Variants in FRS2 observed in about 807,000 individuals in gnomAD.
FRS2 encodes FGFR signalling adaptor.
In FRS2, 8 loss-of-function variants were observed where a neutral mutation model predicts 43.9. That is an observed-to-expected ratio of 0.18 (90% CI 0.11 to 0.33). The LOEUF is 0.33. Among genes scored for constraint, FRS2 ranks in the 10% least tolerant of loss-of-function variants. The pLI, the probability that FRS2 is intolerant of heterozygous loss-of-function variation, is 1.00. For missense variants in FRS2, 534 were observed against 627.6 expected (o/e 0.85, Z 1.59); for synonymous variants, 219 against 220.3 (o/e 0.99, Z 0.05).
intron 1 of FRS2, among the ~76,000 whole-genome samples, chr12:69,493,333 G>GACA (rs1872621009): frequency 6.6e-6 from 1 of 152,154 alleles, no homozygotes; most frequent in Non-Finnish European, 1.5e-5. Context: ...GGATGTCAGG[G>GACA]ATTTGATAAG....
intron 1 of FRS2, among the ~76,000 whole-genome samples, chr12:69,474,617 T>C (rs939788246): frequency 1.3e-5 from 2 of 152,194 alleles, no homozygotes; most frequent in Non-Finnish European, 2.9e-5. Context: ...TTGCCCTGGG[T>C]AGCAAGAATA....
chr12:69,539,548 A>G (rs1237847161), intron 3 of FRS2, among the ~76,000 whole-genome samples: 1 of 152,202 alleles, frequency 6.6e-6, no homozygotes, highest in Non-Finnish European at 1.5e-5. Context: ...ATGTGAGGTC[A>G]GGTGTGAAAT....
At chr12:69,502,286 A>G (rs1873524605) in intron 1 of FRS2, among the ~76,000 whole-genome samples, 1 of 152,116 alleles carries the variant, frequency 6.6e-6, no homozygotes, top group Non-Finnish European at 1.5e-5. Context: ...TTTTGTATTA[A>G]AGGGACATCA....
intron 1 of FRS2, among the ~76,000 whole-genome samples, chr12:69,471,261 A>G (rs2120530881): frequency 6.6e-6 from 1 of 151,632 alleles, no homozygotes; most frequent in Non-Finnish European, 1.5e-5. Flanking sequence ...TTTTGCAGAC[A>G]TACTAAAAAA....
At chr12:69,470,630 C>G in intron 1 of FRS2, 100 bp downstream of exon 1, 2 of 232,126 alleles carry the variant, frequency 8.6e-6, no homozygotes, top group South Asian at 1.8e-4. Context: ...GCTGAGGGCT[C>G]GGCTGCCGGC....
chr12:69,496,298 G>A (rs937775386), intron 1 of FRS2, among the ~76,000 whole-genome samples: 5 of 152,240 alleles, frequency 3.3e-5, no homozygotes, highest in South Asian at 2.1e-4. Flanking sequence ...TTAGCCGGGC[G>A]TGGTGGTGGG....
In FRS2 at chr12:69,577,624, TC is replaced by T. The variant is rs1881275969; in HGVS notation, c.*2670del. ...TAGAATACTGTTTTATCCATACAAATCATAACAGCATCTATCCCATGCTAGG... is the reference window on the plus strand; with the variant it reads ...TAGAATACTGTTTTATCCATACAAATATAACAGCATCTATCCCATGCTAGG... On this transcript the variant is annotated 3_prime_UTR_variant, in exon 9 of 9. Coordinates refer to ENST00000549921, the MANE Select transcript of FRS2 (RefSeq NM_001278356.2). 6.6e-6 allele frequency: 1 copy of T among 152,598 alleles called. No individual in the cohort carries two copies. The highest frequency in any genetic ancestry group is 1.5e-5 in the Non-Finnish European group (1 of 67,994). 9.5% of individuals were successfully genotyped at this position (152,598 alleles called of 1,614,324 possible).
At chr12:69,475,207 G>C (rs1870659139) in intron 1 of FRS2, among the ~76,000 whole-genome samples, 1 of 152,122 alleles carries the variant, frequency 6.6e-6, no homozygotes, top group Non-Finnish European at 1.5e-5. Flanking sequence ...CTTTTTGAGG[G>C]CAAGTTTATT....
intron 1 of FRS2, among the ~76,000 whole-genome samples, chr12:69,493,503 C>A (rs1592933280): frequency 6.6e-6 from 1 of 152,160 alleles, no homozygotes; most frequent in Non-Finnish European, 1.5e-5. Context: ...GGTGGATCAC[C>A]TGAGGTCGGG....
At chr12:69,477,842 G>A (rs991994738) in intron 1 of FRS2, among the ~76,000 whole-genome samples, 4 of 151,072 alleles carry the variant, frequency 2.6e-5, no homozygotes, top group Non-Finnish European at 5.9e-5. Context: ...CTGGGTTCAC[G>A]CCATTCTCCT....
chr12:69,481,011 T>A (rs1206114142), intron 1 of FRS2, among the ~76,000 whole-genome samples: 1 of 152,236 alleles, frequency 6.6e-6, no homozygotes, highest in African/African-American at 2.4e-5. Context: ...TGGAGAATAG[T>A]GTCCTATTTT....
chr12:69,578,747 GTTT>G lies in FRS2; in HGVS notation c.*3797_*3799del, dbSNP rs1345723443. The G allele has an allele frequency of 6.6e-6, 1 of 152,540 alleles. No individual in the cohort carries two copies. Among genetic ancestry groups the G allele is most frequent in the East Asian group, 1.9e-4 (1 of 5,200 alleles). The allele number at this position is 152,540 out of a possible 1,614,324, so 9.4% of individuals were successfully genotyped here. Reference sequence around the variant, plus strand: ...GTATGTCCTAATTTGCATTATAAATGTTTTTTTCCTACGTAAAGGCATAAATAT... The same window carrying G: ...GTATGTCCTAATTTGCATTATAAATGTTTTCCTACGTAAAGGCATAAATAT... On this transcript the variant is annotated 3_prime_UTR_variant, in exon 9 of 9. Transcript: ENST00000549921.
At chr12:69,511,184 G>C (rs1424273838) in intron 1 of FRS2, among the ~76,000 whole-genome samples, 2 of 152,084 alleles carry the variant, frequency 1.3e-5, no homozygotes, top group Non-Finnish European at 2.9e-5. Context: ...CTTCTCATTT[G>C]AGAACCTGCA....
intron 1 of FRS2, among the ~76,000 whole-genome samples, chr12:69,485,113 A>ACGCGCGCGCG (rs1211462538): frequency 2.1e-5 from 3 of 142,324 alleles, no homozygotes; most frequent in African/African-American, 8.4e-5. Context: ...ACACACACAC[A>ACGCGCGCGCG]CACACACACA....
intron 4 of FRS2, among the ~76,000 whole-genome samples, chr12:69,565,399 G>A (rs528370812): frequency 6.6e-6 from 1 of 152,138 alleles, no homozygotes; most frequent in Non-Finnish European, 1.5e-5. Context: ...CTTAGGCTAC[G>A]CTGTTTGTTT....
intron 1 of FRS2, among the ~76,000 whole-genome samples, chr12:69,484,189 A>G (rs1871616130): frequency 6.6e-6 from 1 of 151,334 alleles, no homozygotes; most frequent in African/African-American, 2.4e-5. Context: ...GGTTCACGCC[A>G]TTCTCCTGCC....
rs530159775 is a variant in FRS2 at position 69,575,880 on chromosome 12, T to G, written c.*925T>G. On this transcript the variant is annotated 3_prime_UTR_variant, in exon 9 of 9. Coordinates refer to ENST00000549921, the MANE Select transcript of FRS2 (RefSeq NM_001278356.2). Reference sequence around the variant, plus strand: ...AATTTAAAATGTTTGAGTTTGTATATAGTTTTGAAATTGGATTATGTGTTC... The same window carrying G: ...AATTTAAAATGTTTGAGTTTGTATAGAGTTTTGAAATTGGATTATGTGTTC... 6.5e-6 allele frequency: 1 copy of G among 152,794 alleles called. No individual in the cohort carries two copies. Among genetic ancestry groups the G allele is most frequent in the East Asian group, 1.9e-4 (1 of 5,194 alleles). The allele number at this position is 152,794 out of a possible 1,614,324, so 9.5% of individuals were successfully genotyped here.
At chr12:69,473,100 A>T (rs1870455461) in intron 1 of FRS2, among the ~76,000 whole-genome samples, 1 of 152,256 alleles carries the variant, frequency 6.6e-6, no homozygotes, top group South Asian at 2.1e-4. Flanking sequence ...GAGATAGCTC[A>T]GAAGCTACTG....
intron 1 of FRS2, among the ~76,000 whole-genome samples, chr12:69,473,201 G>A (rs988676003): frequency 6.6e-6 from 1 of 152,188 alleles, no homozygotes; most frequent in Non-Finnish European, 1.5e-5. Flanking sequence ...CCTTAATAAT[G>A]AGGACAGTGA....
Sources: gnomAD v4.1 joint callset for allele counts (sites outside exome capture counted in the v4.1 genomes callset) on GRCh38, gnomAD v4.1.1 for gene constraint, MANE v1.5 for transcripts, NCBI Gene and HGNC (gene_info 2026-07-23, HGNC 2026-07-21) for gene names.